ADAMTSL1: variants seen among roughly 807,000 people sequenced by gnomAD.
ADAMTSL1 encodes the protein ADAMTS-like protein 1.
ADAMTSL1 carries 126 observed loss-of-function variants against 201.8 expected under a neutral mutation model. That is an observed-to-expected ratio of 0.62 (90% CI 0.54 to 0.72). The LOEUF is 0.72. ADAMTSL1 is among the 30% of genes least tolerant of loss of function. The pLI is 0.00. For synonymous variants in ADAMTSL1, 1,121 were observed against 903.4 expected (o/e 1.24, Z -4.32); for missense variants, 2,679 against 2,277.8 (o/e 1.18, Z -3.59).
At chr9:18,193,266 A>T (rs1829043228) in intron 2 of ADAMTSL1, among the ~76,000 whole-genome samples, 1 of 152,136 alleles carries the variant, frequency 6.6e-6, no homozygotes, top group Non-Finnish European at 1.5e-5. Flanking sequence ...TGACCCTGGG[A>T]GTGGTGAGAT....
Position 18,681,932 on chromosome 9 carries a change from G to C in ADAMTSL1, c.1462G>C (p.Val488Leu). The C allele has an allele frequency of 6.2e-7, 1 of 1,614,084 alleles. No homozygotes were observed. The highest frequency in any genetic ancestry group is 8.5e-7 in the Non-Finnish European group (1 of 1,180,002). The change falls in exon 12 of 29, where the codon GTA becomes CTA. Residue 488 changes from valine to leucine, a missense_variant. Transcript: ENST00000380548. ...TKPHIKEECI[V>L]PTPCYKPKEK... ...GCCCCACATAAAAGAGGAATGCATC[G>C]TACCCACTCCCTGCTATAAACCCAA...
intron 2 of ADAMTSL1, among the ~76,000 whole-genome samples, chr9:18,166,785 A>G (rs998712981): frequency 2.0e-5 from 3 of 152,030 alleles, no homozygotes; most frequent in South Asian, 2.1e-4. Flanking sequence ...AATGTAAATA[A>G]TGTTTGAAAA....
At chr9:18,793,977 G>T (rs140520216) in intron 19 of ADAMTSL1, among the ~76,000 whole-genome samples, 31 of 152,006 alleles carry the variant, frequency 2.0e-4, no homozygotes, top group South Asian at 1.9e-3. Flanking sequence ...GAGTGGGTTT[G>T]AAGCTCACTG....
At chr9:18,202,323 T>C (rs1488128498) in intron 2 of ADAMTSL1, among the ~76,000 whole-genome samples, 1 of 152,222 alleles carries the variant, frequency 6.6e-6, no homozygotes, top group Non-Finnish European at 1.5e-5. Flanking sequence ...ATTCAAACAA[T>C]TGTTTTAAAG....
chr9:18,891,951 G>A (rs2131559116), intron 25 of ADAMTSL1, among the ~76,000 whole-genome samples: 1 of 152,314 alleles, frequency 6.6e-6, no homozygotes, highest in Middle Eastern at 3.4e-3. Context: ...TCAATCAGGA[G>A]GATCACATCA....
intron 1 of ADAMTSL1, among the ~76,000 whole-genome samples, chr9:18,031,415 C>A (rs1820950312): frequency 6.6e-6 from 1 of 151,902 alleles, no homozygotes; most frequent in Non-Finnish European, 1.5e-5. Flanking sequence ...AGTGCTGAGG[C>A]TGTGTTTGGG....
chr9:18,680,240 G>T, intron 10 of ADAMTSL1, 72 bp from the exon 11 acceptor site: 3 of 1,464,076 alleles, frequency 2.0e-6, no homozygotes, highest in Non-Finnish European at 2.8e-6. Flanking sequence ...TGGGGAGTGG[G>T]TTGGTGGACC....
At chr9:18,278,372 A>G (rs1832664913) in intron 2 of ADAMTSL1, among the ~76,000 whole-genome samples, 1 of 152,182 alleles carries the variant, frequency 6.6e-6, no homozygotes, top group Admixed American at 6.5e-5. Context: ...TTGTTTGTCT[A>G]GGAAAGTCTT....
intron 26 of ADAMTSL1, among the ~76,000 whole-genome samples, chr9:18,902,317 A>G (rs1361676371): frequency 6.6e-6 from 1 of 152,204 alleles, no homozygotes; most frequent in Non-Finnish European, 1.5e-5. Flanking sequence ...TTTTTTCTCA[A>G]GTGCACATGA....
chr9:18,028,033 C>T lies in ADAMTSL1; in HGVS notation c.87+121111C>T, dbSNP rs373477484. ...TTTTATCTGATACAAGAATAGTGAC[C>T]TCTGCTCTCTTTGTTTTCCGTTTGT... On this transcript the variant is annotated intron_variant, in intron 1 of 29. Transcript: ENST00000680146. 1.5e-3 allele frequency among the ~76,000 whole-genome samples: 232 copies of T among 152,098 alleles called. 6 individuals are homozygous for T. In the South Asian group the frequency reaches 0.048, roughly 31 times the overall value.
intron 23 of ADAMTSL1, among the ~76,000 whole-genome samples, chr9:18,868,711 GC>G: frequency 6.6e-6 from 1 of 152,286 alleles, no homozygotes; most frequent in East Asian, 1.9e-4. Context: ...CTTCAGTTGG[GC>G]AAAATCTCAA....
intron 2 of ADAMTSL1, among the ~76,000 whole-genome samples, chr9:18,263,423 G>T (rs916641106): frequency 6.6e-6 from 1 of 151,688 alleles, no homozygotes; most frequent in African/African-American, 2.4e-5. Flanking sequence ...TGCTTCCTCC[G>T]TGTGCCTCTT....
chr9:18,268,241 G>T (rs531079351), intron 2 of ADAMTSL1, among the ~76,000 whole-genome samples: 1 of 152,218 alleles, frequency 6.6e-6, no homozygotes, highest in Admixed American at 6.5e-5. Context: ...AAAATAGTTT[G>T]AGGTTGAGTC....
intron 1 of ADAMTSL1, among the ~76,000 whole-genome samples, chr9:18,110,899 G>A (rs1025139175): frequency 6.6e-6 from 1 of 152,108 alleles, no homozygotes; most frequent in Non-Finnish European, 1.5e-5. Context: ...GTTGACTCGG[G>A]AACATTATTA....
intron 7 of ADAMTSL1, among the ~76,000 whole-genome samples, chr9:18,656,456 C>T (rs1055177578): frequency 1.3e-5 from 2 of 151,688 alleles, no homozygotes; most frequent in Non-Finnish European, 2.9e-5. Flanking sequence ...TCTGAAACCC[C>T]GTCTCTACTA....
At chr9:18,014,598 T>G (rs1246725392) in intron 1 of ADAMTSL1, among the ~76,000 whole-genome samples, 1 of 152,104 alleles carries the variant, frequency 6.6e-6, no homozygotes. Context: ...CTCAAAAGAC[T>G]GCAGGCTGAA....
At chr9:18,660,921 TG>T (rs1245904534) in intron 8 of ADAMTSL1, among the ~76,000 whole-genome samples, 1 of 152,194 alleles carries the variant, frequency 6.6e-6, no homozygotes, top group African/African-American at 2.4e-5. Context: ...TAAAATCTTT[TG>T]CAAGTCCCTT....
chr9:18,767,262 A>C (rs1249508371), intron 16 of ADAMTSL1, among the ~76,000 whole-genome samples: 1 of 152,138 alleles, frequency 6.6e-6, no homozygotes, highest in African/African-American at 2.4e-5. Context: ...ATCAGCACAA[A>C]CTTGTTTCTT....
chr9:18,715,408 G>A (rs1478348048), intron 14 of ADAMTSL1, among the ~76,000 whole-genome samples: 2 of 152,092 alleles, frequency 1.3e-5, no homozygotes, highest in Admixed American at 6.6e-5. Flanking sequence ...CAAAATCAAT[G>A]TACAAAAATC....
Sources: gnomAD v4.1 joint callset for allele counts (sites outside exome capture counted in the v4.1 genomes callset) on GRCh38, gnomAD v4.1.1 for gene constraint, MANE v1.5 for transcripts, NCBI Gene and HGNC (gene_info 2026-07-23, HGNC 2026-07-21) for gene names.